GALNT13: variants seen among roughly 807,000 people sequenced by gnomAD.
GALNT13 encodes polypeptide N-acetylgalactosaminyltransferase 13.
GALNT13 carries 28 observed loss-of-function variants against 64.2 expected under a neutral mutation model. The ratio of observed to expected loss-of-function variants is 0.44; its 90% CI spans 0.32 to 0.60. The LOEUF is 0.60. Among genes scored for constraint, GALNT13 ranks in the 20% least tolerant of loss-of-function variants. GALNT13 has a pLI of 0.05. For missense variants in GALNT13, 577 were observed against 669.8 expected, an observed-to-expected ratio of 0.86 and a Z score of 1.53; for synonymous variants, 214 against 224.6, an observed-to-expected ratio of 0.95 and a Z score of 0.42.
intron 9 of GALNT13, among the ~76,000 whole-genome samples, chr2:154,317,404 C>G (rs1694381028): frequency 6.6e-6 from 1 of 152,016 alleles, no homozygotes; most frequent in Non-Finnish European, 1.5e-5. Context: ...TGAGTAATAT[C>G]TAGAAATATT....
At chr2:153,302,083 C>T in the GALNT13 span, among the ~76,000 whole-genome samples, 2 of 152,106 alleles carry the variant, frequency 1.3e-5, no homozygotes, top group African/African-American at 2.4e-5. Flanking sequence ...AAACCTGGAT[C>T]GTATGGTAGT....
At chr2:153,748,492 CATT>C in the GALNT13 span, among the ~76,000 whole-genome samples, 1 of 152,052 alleles carries the variant, frequency 6.6e-6, no homozygotes, top group Non-Finnish European at 1.5e-5. Context: ...GATGATATCT[CATT>C]ATAGTTTTGA....
the GALNT13 span, among the ~76,000 whole-genome samples, chr2:153,565,504 T>G: frequency 2.0e-5 from 3 of 151,806 alleles, no homozygotes; most frequent in African/African-American, 7.2e-5. Context: ...GTGTTTATAG[T>G]GTGTGTGTGT....
chr2:154,338,580 C>G (rs799737), intron 9 of GALNT13, among the ~76,000 whole-genome samples: 151,418 of 152,244 alleles, frequency 0.99, 75,304 homozygotes, highest in Middle Eastern at 1. Context: ...GGCAGCCCCA[C>G]GGTCAGTCAG....
At chr2:153,975,739 T>C (rs116511720) in intron 3 of GALNT13, among the ~76,000 whole-genome samples, 855 of 152,166 alleles carry the variant, frequency 5.6e-3, no homozygotes, top group Middle Eastern at 0.014. Context: ...AGTGGGGAGA[T>C]GATGTATAGC....
chr2:154,000,289 T>C (rs1695816889), intron 3 of GALNT13, among the ~76,000 whole-genome samples: 1 of 151,300 alleles, frequency 6.6e-6, no homozygotes, highest in South Asian at 2.1e-4. Flanking sequence ...CTCTTATACG[T>C]TTTTATTTCT....
chr2:154,185,874 T>A (rs1437411824), intron 4 of GALNT13, among the ~76,000 whole-genome samples: 2 of 152,066 alleles, frequency 1.3e-5, no homozygotes, highest in South Asian at 4.1e-4. Context: ...ATGTATTGCC[T>A]AGCTTGTAGT....
At chr2:154,313,107 T>C (rs1233584928) in intron 9 of GALNT13, among the ~76,000 whole-genome samples, 5 of 151,556 alleles carry the variant, frequency 3.3e-5, no homozygotes, top group Admixed American at 1.3e-4. Flanking sequence ...TTTGAATAAT[T>C]ATGTTCTCAA....
the GALNT13 span, among the ~76,000 whole-genome samples, chr2:153,656,493 C>T: frequency 6.6e-6 from 1 of 152,062 alleles, no homozygotes; most frequent in African/African-American, 2.4e-5. Context: ...TTATCTGTTT[C>T]TCTTGAAACC....
At chr2:153,281,004 T>C in the GALNT13 span, among the ~76,000 whole-genome samples, 32 of 152,316 alleles carry the variant, frequency 2.1e-4, no homozygotes, top group African/African-American at 7.5e-4. Flanking sequence ...AGTCTTTTCA[T>C]AGGACTAGAA....
chr2:153,462,063 C>T, the GALNT13 span, among the ~76,000 whole-genome samples: 17 of 152,006 alleles, frequency 1.1e-4, no homozygotes, highest in East Asian at 1.2e-3. Context: ...TTTACTGTTG[C>T]GCATCCCATA....
chr2:153,619,749 C>T, the GALNT13 span, among the ~76,000 whole-genome samples: 2 of 152,080 alleles, frequency 1.3e-5, no homozygotes, highest in Admixed American at 6.6e-5. Context: ...TTCTTCAGCA[C>T]TTTATATGTG....
the GALNT13 span, among the ~76,000 whole-genome samples, chr2:153,121,783 C>CTAAA: frequency 6.6e-6 from 1 of 152,162 alleles, no homozygotes; most frequent in African/African-American, 2.4e-5. Flanking sequence ...ATCCACCTGA[C>CTAAA]TAAACCTCCC....
the GALNT13 span, among the ~76,000 whole-genome samples, chr2:153,476,140 A>G: frequency 1.3e-5 from 2 of 152,210 alleles, no homozygotes; most frequent in South Asian, 4.1e-4. Flanking sequence ...CCTGATATCC[A>G]TTAGAATTCA....
intron 11 of GALNT13, among the ~76,000 whole-genome samples, chr2:154,422,766 G>A (rs550223019): frequency 6.6e-6 from 1 of 152,114 alleles, no homozygotes; most frequent in Admixed American, 6.6e-5. Flanking sequence ...ACCATAGCCA[G>A]TGTCCAATTC....
At chr2:153,602,755 G>A in the GALNT13 span, among the ~76,000 whole-genome samples, 27 of 151,786 alleles carry the variant, frequency 1.8e-4, no homozygotes, top group African/African-American at 6.0e-4. Flanking sequence ...GTCCATCATA[G>A]GAGTGAATGA....
intron 3 of GALNT13, among the ~76,000 whole-genome samples, chr2:154,034,599 C>A (rs1210269320): frequency 1.5e-5 from 2 of 135,444 alleles, no homozygotes; most frequent in Non-Finnish European, 3.1e-5. Context: ...CACTCCCATC[C>A]TTTCAAGCTT....
At chr2:154,281,848 A>G (rs914864011) in intron 8 of GALNT13, among the ~76,000 whole-genome samples, 1 of 151,524 alleles carries the variant, frequency 6.6e-6, no homozygotes. Context: ...TGCTCCCTCA[A>G]AAGTCAGTTG....
chr2:153,098,252 T>C, the GALNT13 span, among the ~76,000 whole-genome samples: 1 of 152,220 alleles, frequency 6.6e-6, no homozygotes, highest in South Asian at 2.1e-4. Flanking sequence ...CATGAAGGGC[T>C]CTTAGGAATA....
Sources: allele counts gnomAD v4.1 joint callset (sites outside exome capture counted in the v4.1 genomes callset), GRCh38; gene constraint gnomAD v4.1.1; transcripts MANE v1.5; gene names NCBI Gene and HGNC (gene_info 2026-07-23, HGNC 2026-07-21).